Variants in CNKSR1 observed in about 807,000 individuals in gnomAD.
The protein encoded by CNKSR1 is CNK homolog protein 1.
Under a neutral mutation model 95.6 loss-of-function variants are expected in CNKSR1, and 88 were observed. The observed-to-expected ratio is 0.92, with a 90% CI of 0.78 to 1.10. The LOEUF is 1.10. CNKSR1 is among the 50% of genes least tolerant of loss of function. The probability of loss-of-function intolerance (pLI) is 0.00; values close to 1 mark genes in which losing one functional copy is unlikely to be tolerated. For synonymous variants in CNKSR1, 355 were observed against 369.7 expected, an observed-to-expected ratio of 0.96 and a Z score of 0.46; for missense variants, 836 against 912.0, an observed-to-expected ratio of 0.92 and a Z score of 1.07.
At position 26,183,209 on chromosome 1, in the gene CNKSR1, C is replaced by G. The variant is rs267598521; in HGVS notation, c.637C>G (p.His213Asp). The G allele has an allele frequency of 4.3e-6, 7 of 1,614,006 alleles. No homozygotes were observed. The highest frequency in any genetic ancestry group is 5.9e-6 in the Non-Finnish European group (7 of 1,179,998). ...QLDSPLGLEIHTTSNCQHFVS... is the reference protein window; with the variant it reads ...QLDSPLGLEIDTTSNCQHFVS... ...TCTGCCTCTGCAGGGCCTAGAAATTCACACCACCAGCAATTGCCAGCACTT... is the reference window on the plus strand; with the variant it reads ...TCTGCCTCTGCAGGGCCTAGAAATTGACACCACCAGCAATTGCCAGCACTT... Residue 213 changes from histidine to aspartate, a missense_variant, in exon 7 of 21, where the codon CAC becomes GAC. By Grantham distance (81) the His-to-Asp change is moderately conservative. Transcript: ENST00000361530.
rs762652180 is a variant in CNKSR1, at chr1:26,188,934, C to T, written c.1853C>T (p.Ala618Val). The change falls in exon 20 of 21, where the codon GCG becomes GTG. Residue 618 changes from alanine (A) to valine (V), a missense_variant. Transcript: ENST00000361530. ...AATGAGCGAGTGCACCGTGTGCGGGCGCTACAGAGCACACTCAAGGTCAGC... is the reference window on the plus strand; with the variant it reads ...AATGAGCGAGTGCACCGTGTGCGGGTGCTACAGAGCACACTCAAGGTCAGC... Reference protein sequence around the residue: ...QLNERVHRVRALQSTLKAKLQ... With the variant: ...QLNERVHRVRVLQSTLKAKLQ... 1.1e-5 allele frequency: 17 copies of T among 1,613,524 alleles called. No homozygotes were observed. Among genetic ancestry groups the T allele is most frequent in the Middle Eastern group, 1.6e-4 (1 of 6,082 alleles).
Position 26,187,434 on chromosome 1 carries a change from T to G in CNKSR1, c.1406T>G (p.Val469Gly), listed in dbSNP as rs2088775044. ...AGTGTGTTTCAGCTCACCCATGATG[T>G]GTACAAACCCTTCATCTTCGCTGCT... Reference protein sequence around the residue: ...KKYVFQLTHDVYKPFIFAADT... With the variant: ...KKYVFQLTHDGYKPFIFAADT... Residue 469 changes from valine (V) to glycine (G), a missense_variant, in exon 16 of 21, where the codon GTG becomes GGG. Physicochemically the swap from Val to Gly is moderately radical, Grantham distance 109. Coordinates refer to ENST00000361530, the MANE Select transcript of CNKSR1 (RefSeq NM_006314.3). 6.2e-7 allele frequency: 1 copy of G among 1,614,054 alleles called. No individual in the cohort carries two copies.
At position 26,187,205 on chromosome 1, in the gene CNKSR1, A is replaced by G; in HGVS notation, c.1346A>G (p.Tyr449Cys). ...KAEGLINVSN[Y>C]SLESGHDQKK... ...GAGGGCCTCATCAATGTCTCCAACT[A>G]TAGTCTGGAAAGTGGACATGATCAG... Residue 449 changes from tyrosine (Y) to cysteine (C), a missense_variant, in exon 15 of 21, where the codon TAT (tyrosine) becomes TGT (cysteine). By Grantham distance (194) the Tyr-to-Cys change is radical (BLOSUM62 -2). Coordinates refer to ENST00000361530, the MANE Select transcript of CNKSR1 (RefSeq NM_006314.3). 1 of 1,614,118 alleles carries G rather than the reference A, an allele frequency of 6.2e-7. No individual in the cohort carries two copies. Among genetic ancestry groups the G allele is most frequent in the Non-Finnish European group, 8.5e-7 (1 of 1,179,966 alleles).
At chr1:26,180,921 A>G (rs1412128430) in intron 3 of CNKSR1, 25 bp downstream of exon 3, 6 of 1,613,848 alleles carry the variant, frequency 3.7e-6, no homozygotes, top group Non-Finnish European at 5.1e-6. Flanking sequence ...GTGACGAGTG[A>G]GGGACTATTG....
At position 26,188,705 on chromosome 1, in the gene CNKSR1, G is replaced by A. The variant is rs1569891316; in HGVS notation, c.1690+8G>A. The A allele has an allele frequency of 6.2e-7, 1 of 1,613,250 alleles. No individual in the cohort carries two copies. Among genetic ancestry groups the A allele is most frequent in the Non-Finnish European group, 8.5e-7 (1 of 1,179,534 alleles). ...CCTTTGGCTCTCTGACAGGTGCTGG[G>A]CTGGAGTTGGGAGCTGGGCTGGGGG... On this transcript the variant is annotated splice_region_variant and intron_variant, in intron 19 of 20. Coordinates refer to ENST00000361530, the MANE Select transcript of CNKSR1 (RefSeq NM_006314.3).
intron 8 of CNKSR1, 86 bp from the exon 9 acceptor site, chr1:26,183,643 A>G: frequency 1.8e-6 from 2 of 1,125,766 alleles, no homozygotes; most frequent in Non-Finnish European, 2.7e-6. Context: ...AGGCTGAGAG[A>G]GAGCTCCCAG....
intron 18 of CNKSR1, 31 bp downstream of exon 18, chr1:26,188,534 G>A (rs1463734885): frequency 2.5e-6 from 4 of 1,606,900 alleles, no homozygotes; most frequent in African/African-American, 1.3e-5. Context: ...GGTAGGAGGT[G>A]GGGATAAACA....
At position 26,189,305 on chromosome 1, in the gene CNKSR1, A is replaced by G; in HGVS notation, c.1899A>G (p.Leu633=). The G allele has an allele frequency of 1.2e-6, 2 of 1,614,132 alleles. No individual in the cohort carries two copies. The highest frequency in any genetic ancestry group is 1.7e-6 in the Non-Finnish European group (2 of 1,179,982). ...CAAAGCTGCAGGAGCTGCAGGTCCT[A>G]GAAGAAGTGCTGGGTGACCCTGAGC... ...LKAKLQELQV[L]EEVLGDPELT... Residue 633 remains leucine, a synonymous_variant, in exon 21 of 21, where the codon CTA becomes CTG. Transcript: ENST00000361530.
rs374163211 is a variant in CNKSR1 at position 26,189,351 on chromosome 1, C to G, written c.1945C>G (p.Gln649Glu). Residue 649 changes from glutamine (Q) to glutamate (E), a missense_variant, in exon 21 of 21, where the codon CAG becomes GAG. Gln to Glu is a conservative substitution (Grantham distance 29, BLOSUM62 2). Transcript: ENST00000361530. ...TGAGCTGACAGGAGAGAAGTTCCGCCAGTGGAAGGAGCAGAACCGGGAGCT... is the reference window on the plus strand; with the variant it reads ...TGAGCTGACAGGAGAGAAGTTCCGCGAGTGGAAGGAGCAGAACCGGGAGCT... ...DPELTGEKFR[Q>E]WKEQNRELYS... is the part of the protein sequence containing the mutation. The G allele has an allele frequency of 2.1e-5, 34 of 1,614,124 alleles. No homozygotes were observed. The African/African-American group carries it at 3.7e-4, about 18-fold the overall frequency.
Position 26,180,625 on chromosome 1 carries a change from G to T in CNKSR1, c.210+15G>T. 1 of 1,614,160 alleles carries T rather than the reference G, an allele frequency of 6.2e-7. No homozygotes were observed. The highest frequency in any genetic ancestry group is 1.1e-5 in the South Asian group (1 of 91,076). ...TCCAGGCCCTGGTGAGTGAATGCTG[G>T]TCACACTGGCTGCAGCTTCCACCAA... On this transcript the variant is annotated intron_variant, in intron 2 of 20. Coordinates refer to ENST00000361530, the MANE Select transcript of CNKSR1 (RefSeq NM_006314.3).
At chr1:26,187,107 G>C (rs2088769392) in intron 14 of CNKSR1, 61 bp from the exon 15 acceptor site, 1 of 1,327,078 alleles carries the variant, frequency 7.5e-7, no homozygotes, top group Non-Finnish European at 1.1e-6. Flanking sequence ...GTAACTAGGA[G>C]CTGACTGGGC....
chr1:26,187,737 C>T (rs948068906), intron 16 of CNKSR1, among the ~76,000 whole-genome samples: 16 of 151,450 alleles, frequency 1.1e-4, no homozygotes, highest in African/African-American at 3.6e-4. Flanking sequence ...ATTCTCCTGC[C>T]TCAGCTTCCT....
chr1:26,184,198 C>T lies in CNKSR1; in HGVS notation c.927-16C>T. The T allele has an allele frequency of 6.2e-7, 1 of 1,612,930 alleles. No homozygotes were observed. The highest frequency in any genetic ancestry group is 1.1e-5 in the South Asian group (1 of 90,982). ...GGGAGACCGTGGGCTCATCTCATCCCCCTTGCCCTCCCCAGGGCCCCATCT... is the reference window on the plus strand; with the variant it reads ...GGGAGACCGTGGGCTCATCTCATCCTCCTTGCCCTCCCCAGGGCCCCATCT... On this transcript the variant is annotated splice_polypyrimidine_tract_variant and intron_variant, in intron 10 of 20. Coordinates refer to ENST00000361530, the MANE Select transcript of CNKSR1 (RefSeq NM_006314.3).
chr1:26,180,831 T>C lies in CNKSR1; in HGVS notation c.327T>C (p.Ile109=). 1 of 1,614,160 alleles carries C rather than the reference T, an allele frequency of 6.2e-7. No homozygotes were observed. The highest frequency in any genetic ancestry group is 8.5e-7 in the Non-Finnish European group (1 of 1,180,018). ...GCLGDCAKTP[I]DVLCAAVELL... The stretch of plus-strand genomic sequence containing the variant: ...TGGGGGACTGTGCCAAGACCCCTAT[T>C]GATGTCCTCTGTGCAGCTGTGGAGC... Residue 109 remains isoleucine (I), a synonymous_variant, in exon 3 of 21, where the codon ATT becomes ATC. Transcript: ENST00000361530.
Position 26,188,641 on chromosome 1 carries a change from C to A in CNKSR1, c.1634C>A (p.Ser545Ter). The change falls in exon 19 of 21, where the codon TCA becomes TAA. Residue 545 changes from serine to a stop codon, truncating the protein, a stop_gained. Transcript: ENST00000361530. LOFTEE classifies it high-confidence loss of function. ...QAGSPLHGDT[S>*]PAATPTQRSP... ...GGGAGTCCCCTCCATGGAGACACAT[C>A]ACCTGCAGCCACCCCCACACAGCGC... is the stretch of plus-strand genomic sequence containing the variant. 1 of 1,613,896 alleles carries A rather than the reference C, an allele frequency of 6.2e-7. No individual in the cohort carries two copies. The highest frequency in any genetic ancestry group is 8.5e-7 in the Non-Finnish European group (1 of 1,179,900).
At chr1:26,188,142 G>A in intron 16 of CNKSR1, 92 bp from the exon 17 acceptor site, 1 of 1,061,650 alleles carries the variant, frequency 9.4e-7, no homozygotes, top group Non-Finnish European at 1.5e-6. Flanking sequence ...TTGCTCTGAG[G>A]ATCATTAGAA....
chr1:26,181,732 C>A, intron 3 of CNKSR1, 125 bp from the exon 4 acceptor site: 1 of 901,122 alleles, frequency 1.1e-6, no homozygotes, highest in Non-Finnish European at 1.8e-6. Context: ...ATCTCCTTTA[C>A]TCTAAACCAA....
Position 26,180,741 on chromosome 1 carries a change from G to T in CNKSR1, c.237G>T (p.Leu79=). 1 of 1,614,178 alleles carries T rather than the reference G, an allele frequency of 6.2e-7. No homozygotes were observed. Among genetic ancestry groups the T allele is most frequent in the Non-Finnish European group, 8.5e-7 (1 of 1,180,018 alleles). Residue 79 remains leucine (L), a synonymous_variant, in exon 3 of 21, where the codon CTG becomes CTT. Coordinates refer to ENST00000361530, the MANE Select transcript of CNKSR1 (RefSeq NM_006314.3). ...ALSSRLQTEN[L]QSLTEGLLGA... ...GCTCCAGGCTACAGACAGAGAACCT[G>T]CAAAGCCTGACAGAGGGACTTCTGG...
chr1:26,186,933 G>GT, intron 14 of CNKSR1: 1 of 447,922 alleles, frequency 2.2e-6, no homozygotes, highest in South Asian at 2.7e-5. Flanking sequence ...TTTTTTGGCT[G>GT]TTTCTCTGAT....
Sources: gnomAD v4.1 joint callset for allele counts (sites outside exome capture counted in the v4.1 genomes callset) on GRCh38, gnomAD v4.1.1 for gene constraint, MANE v1.5 for transcripts, NCBI Gene and HGNC (gene_info 2026-07-23, HGNC 2026-07-21) for gene names.